OTUD7A: variants seen among roughly 807,000 people sequenced by gnomAD.
OTUD7A encodes the protein OTU domain-containing protein 7A.
Under a neutral mutation model 65.7 loss-of-function variants are expected in OTUD7A, and 12 were observed. The ratio of observed to expected loss-of-function variants is 0.18; its 90% CI spans 0.12 to 0.30. The LOEUF (loss-of-function observed/expected upper bound fraction) is 0.30. Among genes scored for constraint, OTUD7A ranks in the 10% least tolerant of loss-of-function variants. The probability of loss-of-function intolerance (pLI) is 1.00; values close to 1 mark genes in which losing one functional copy is unlikely to be tolerated. For synonymous variants in OTUD7A, 641 were observed against 586.3 expected (o/e 1.09, Z -1.35); for missense variants, 1,148 against 1,304.8 (o/e 0.88, Z 1.85).
Position 31,514,138 on chromosome 15 carries a change from C to T in OTUD7A, c.894-10320G>A, listed in dbSNP as rs1034961728. On this transcript the variant is annotated intron_variant, in intron 8 of 12. Transcript: ENST00000307050. ...GTGAGATCATAGCTCACTGCAGCCT[C>T]GAACTCCTGGGGTCAAGTGAGCCTC... is the stretch of plus-strand genomic sequence containing the variant. 1.8e-4 allele frequency among the ~76,000 whole-genome samples: 27 copies of T among 150,628 alleles called. 1 individual carries two copies. Among genetic ancestry groups the T allele is most frequent in the African/African-American group, 5.6e-4 (23 of 40,826 alleles).
intron 1 of OTUD7A, among the ~76,000 whole-genome samples, chr15:31,817,267 G>T (rs1340794635): frequency 8.7e-6 from 1 of 115,306 alleles, no homozygotes; most frequent in Non-Finnish European, 1.8e-5. Context: ...CACCACCCTA[G>T]ATCATTTGCC....
chr15:31,695,535 A>G (rs1291910142), intron 1 of OTUD7A, among the ~76,000 whole-genome samples: 1 of 142,518 alleles, frequency 7.0e-6, no homozygotes, highest in Non-Finnish European at 1.5e-5. Context: ...TCATTTGCAT[A>G]AAATCCAGAT....
chr15:31,541,486 G>C (rs1595596397), intron 5 of OTUD7A, among the ~76,000 whole-genome samples: 1 of 152,180 alleles, frequency 6.6e-6, no homozygotes, highest in African/African-American at 2.4e-5. Context: ...AGTAGGGGCT[G>C]AAGGCTTTGT....
At chr15:31,631,058 C>A (rs1311050259) in intron 3 of OTUD7A, among the ~76,000 whole-genome samples, 2 of 152,258 alleles carry the variant, frequency 1.3e-5, no homozygotes, top group African/African-American at 2.4e-5. Context: ...CAGTCTGTGT[C>A]TTTTAATTGG....
chr15:31,587,116 C>T (rs1889564829), intron 3 of OTUD7A, among the ~76,000 whole-genome samples: 2 of 152,172 alleles, frequency 1.3e-5, no homozygotes, highest in African/African-American at 4.8e-5. Flanking sequence ...ATGCATCATG[C>T]TTGACTCTGT....
chr15:31,604,110 TTATAAATCATTCTAC>T (rs1890165297), intron 3 of OTUD7A, among the ~76,000 whole-genome samples: 1 of 152,162 alleles, frequency 6.6e-6, no homozygotes, highest in South Asian at 2.1e-4. Context: ...ACCCAAAGGA[TTATAAATCATTCTAC>T]TATAAAGACA....
chr15:31,558,497 C>G (rs577779151), intron 5 of OTUD7A: 5 of 174,434 alleles, frequency 2.9e-5, no homozygotes, highest in African/African-American at 1.2e-4. Flanking sequence ...CTTAGTACCC[C>G]AAAGCGTTGC....
intron 12 of OTUD7A, among the ~76,000 whole-genome samples, chr15:31,486,732 A>G (rs2041243061): frequency 6.6e-6 from 1 of 152,226 alleles, no homozygotes; most frequent in Admixed American, 6.5e-5. Flanking sequence ...TCGCGCTCTC[A>G]GTTCCCTGGC....
At chr15:31,566,779 T>C (rs926340802) in intron 4 of OTUD7A, among the ~76,000 whole-genome samples, 6 of 152,162 alleles carry the variant, frequency 3.9e-5, no homozygotes, top group Non-Finnish European at 7.4e-5. Flanking sequence ...CCCACCACTC[T>C]CTCTCTCTTG....
intron 3 of OTUD7A, among the ~76,000 whole-genome samples, chr15:31,639,671 A>T (rs1891454211): frequency 6.6e-6 from 1 of 151,758 alleles, no homozygotes. Context: ...ATCCTTGCTG[A>T]GATTTGGTAT....
At chr15:31,818,059 C>G (rs117181911) in intron 1 of OTUD7A, among the ~76,000 whole-genome samples, 15 of 152,302 alleles carry the variant, frequency 9.8e-5, no homozygotes, top group South Asian at 8.3e-4. Flanking sequence ...CTATCTCCCC[C>G]CAACTGAGGA....
At chr15:31,730,058 C>T (rs1268517239) in intron 1 of OTUD7A, among the ~76,000 whole-genome samples, 1 of 152,140 alleles carries the variant, frequency 6.6e-6, no homozygotes, top group Non-Finnish European at 1.5e-5. Context: ...GTGATTAGGT[C>T]ATGAGGGTGC....
chr15:31,634,878 G>A (rs1169710805), intron 3 of OTUD7A, among the ~76,000 whole-genome samples: 1 of 152,232 alleles, frequency 6.6e-6, no homozygotes, highest in African/African-American at 2.4e-5. Context: ...AAGCAGGACA[G>A]AAGGACAGCA....
intron 3 of OTUD7A, among the ~76,000 whole-genome samples, chr15:31,589,434 G>A (rs1889650160): frequency 6.7e-6 from 1 of 149,820 alleles, no homozygotes; most frequent in South Asian, 2.1e-4. Flanking sequence ...CGAGTAGCTG[G>A]GACTACAGGT....
intron 3 of OTUD7A, among the ~76,000 whole-genome samples, chr15:31,590,850 C>T (rs1177533402): frequency 4.6e-5 from 7 of 152,212 alleles, no homozygotes; most frequent in Non-Finnish European, 1.0e-4. Flanking sequence ...TTAGGGAAGG[C>T]TGGCTGGCTT....
At chr15:31,740,121 C>A (rs1275255390) in intron 1 of OTUD7A, among the ~76,000 whole-genome samples, 1 of 152,084 alleles carries the variant, frequency 6.6e-6, no homozygotes, top group Non-Finnish European at 1.5e-5. Context: ...AGTGGGGTGG[C>A]CGGAGCAGGC....
At chr15:31,517,074 A>G (rs2041869612) in intron 8 of OTUD7A, among the ~76,000 whole-genome samples, 1 of 152,232 alleles carries the variant, frequency 6.6e-6, no homozygotes, top group South Asian at 2.1e-4. Flanking sequence ...CCACAAAGCC[A>G]TCTGCCAGTA....
At position 31,511,104 on chromosome 15, in the gene OTUD7A, C is replaced by G. The variant is rs1340153239; in HGVS notation, c.894-7286G>C. Among the ~76,000 whole-genome samples the G allele has an allele frequency of 9.2e-5, 3 of 32,638 alleles. 1 individual carries two copies. The highest frequency in any genetic ancestry group is 1.5e-4 in the Non-Finnish European group (3 of 19,578). 21.4% of individuals were successfully genotyped at this position (32,638 alleles called of 152,430 possible). ...CTATATGTAACATACATATGTATAT[C>G]TATATGTAACATACATATGTATATC... On this transcript the variant is annotated intron_variant, in intron 8 of 12. Transcript: ENST00000307050.
At chr15:31,866,763 C>T (rs1303896429) in intron 1 of OTUD7A, among the ~76,000 whole-genome samples, 7 of 152,170 alleles carry the variant, frequency 4.6e-5, no homozygotes, top group South Asian at 2.1e-4. Flanking sequence ...CATGTAGTGG[C>T]GCTTCCCCTT....
Sources: gnomAD v4.1 joint callset for allele counts (sites outside exome capture counted in the v4.1 genomes callset) on GRCh38, gnomAD v4.1.1 for gene constraint, MANE v1.5 for transcripts, NCBI Gene and HGNC (gene_info 2026-07-23, HGNC 2026-07-21) for gene names.